The following ACSBG1 variants were observed in gnomAD, a reference collection of about 807,000 sequenced individuals.
ACSBG1 encodes acyl-CoA synthetase bubblegum family member 1.
Under a neutral mutation model 80.2 loss-of-function variants are expected in ACSBG1, and 39 were observed. That is an observed-to-expected ratio of 0.49 (90% CI 0.38 to 0.64). The LOEUF (loss-of-function observed/expected upper bound fraction) is 0.64, where lower values mean the gene tolerates loss of function less well. Ranked by LOEUF, ACSBG1 falls within the 30% of genes least tolerant of loss-of-function variation. The pLI, the probability that ACSBG1 is intolerant of heterozygous loss-of-function variation, is 0.00. For missense variants in ACSBG1, 828 were observed against 966.4 expected (o/e 0.86, Z 1.90); for synonymous variants, 392 against 379.5 (o/e 1.03, Z -0.38).
At chr15:78,176,713 T>G (rs2074886334) in intron 11 of ACSBG1, among the ~76,000 whole-genome samples, 1 of 152,062 alleles carries the variant, frequency 6.6e-6, no homozygotes, top group Non-Finnish European at 1.5e-5. Flanking sequence ...TGGCTTGAGC[T>G]CAGGAGCTCA....
intron 5 of ACSBG1, 100 bp from the exon 6 acceptor site, chr15:78,182,885 T>G: frequency 7.6e-7 from 1 of 1,313,254 alleles, no homozygotes; most frequent in Non-Finnish European, 1.1e-6. Flanking sequence ...TAAAGGTCTC[T>G]GGGTGCCCCG....
intron 1 of ACSBG1, chr15:78,212,671 A>G (rs2075276900): frequency 4.4e-5 from 20 of 450,144 alleles, no homozygotes; most frequent in South Asian, 3.1e-4. Context: ...CATGTCACGG[A>G]GTCCCCCCGG....
At chr15:78,207,917 T>TCCCCCCCCCCCCCCCCCCCCCCCCCACAC in intron 2 of ACSBG1, 85 bp downstream of exon 2, 2 of 876,066 alleles carry the variant, frequency 2.3e-6, no homozygotes, top group Non-Finnish European at 3.7e-6. Flanking sequence ...TGTGTGGTGG[T>TCCCCCCCCCCCCCCCCCCCCCCCCCACAC]CCCCCACACC....
Position 78,230,752 on chromosome 15 carries a change from G to A in ACSBG1, c.131+3619C>T, listed in dbSNP as rs573369712. 2.0e-5 allele frequency among the ~76,000 whole-genome samples: 3 copies of A among 152,328 alleles called. No homozygotes were observed. In the East Asian group the frequency reaches 5.8e-4, roughly 29 times the overall value. Reference sequence around the variant, plus strand: ...CGTCTTGTCTGCTGCCATGTGAGATGTGCCTTTCGTCTTCTGCCATGATTG... The same window carrying A: ...CGTCTTGTCTGCTGCCATGTGAGATATGCCTTTCGTCTTCTGCCATGATTG... On this transcript the variant is annotated intron_variant, in intron 1 of 13. Coordinates refer to ENST00000258873, the MANE Select transcript of ACSBG1 (RefSeq NM_015162.5).
intron 2 of ACSBG1, 85 bp downstream of exon 2, chr15:78,207,917 T>TCCCCCCCCCCC: frequency 2.3e-6 from 2 of 876,060 alleles, no homozygotes; most frequent in Non-Finnish European, 3.7e-6. Context: ...TGTGTGGTGG[T>TCCCCCCCCCCC]CCCCCACACC....
rs187025261 is a variant in ACSBG1 at position 78,229,164 on chromosome 15, G to A, written c.131+5207C>T. Among the ~76,000 whole-genome samples the A allele has an allele frequency of 2.8e-3, 425 of 151,904 alleles. 2 individuals are homozygous for A. The highest frequency in any genetic ancestry group is 3.7e-3 in the Non-Finnish European group (253 of 67,986). On this transcript the variant is annotated intron_variant, in intron 1 of 13. Transcript: ENST00000258873. ...TAATGTCTGTCTCCCCTGCAAGCATGCAAACTCCTTAAGGTAGAGACTTGT... is the reference window on the plus strand; with the variant it reads ...TAATGTCTGTCTCCCCTGCAAGCATACAAACTCCTTAAGGTAGAGACTTGT...
Position 78,170,188 on chromosome 15 carries a change from T to G in ACSBG1, c.*1256A>C, listed in dbSNP as rs1567075293. The G allele has an allele frequency of 6.6e-6, 1 of 152,048 alleles. No individual in the cohort carries two copies. The highest frequency in any genetic ancestry group is 1.5e-5 in the Non-Finnish European group (1 of 68,020). 9.4% of individuals were successfully genotyped at this position (152,048 alleles called of 1,614,324 possible). Reference sequence around the variant, plus strand: ...AGGCATCTCCTTTCCCTTCCTGTCTTCCTCTCCCTTCTCCTCTGCTGCAGC... The same window carrying G: ...AGGCATCTCCTTTCCCTTCCTGTCTGCCTCTCCCTTCTCCTCTGCTGCAGC... On this transcript the variant is annotated 3_prime_UTR_variant, in exon 14 of 14. Coordinates refer to ENST00000258873, the MANE Select transcript of ACSBG1 (RefSeq NM_015162.5).
At chr15:78,212,360 G>A (rs937237420) in intron 1 of ACSBG1, among the ~76,000 whole-genome samples, 3 of 152,126 alleles carry the variant, frequency 2.0e-5, no homozygotes, top group Admixed American at 6.5e-5. Context: ...TCATTATTAC[G>A]CATGAGCTCT....
chr15:78,219,276 T>G (rs2075339905), intron 1 of ACSBG1, among the ~76,000 whole-genome samples: 2 of 151,948 alleles, frequency 1.3e-5, no homozygotes, highest in Non-Finnish European at 2.9e-5. Context: ...TGCATGGTGG[T>G]GCACACCTGT....
chr15:78,182,274 C>G, intron 7 of ACSBG1, 129 bp from the exon 8 acceptor site: 1 of 1,361,844 alleles, frequency 7.3e-7, no homozygotes, highest in Non-Finnish European at 9.8e-7. Context: ...CTCTGAAAAC[C>G]CCAGGACAGG....
At chr15:78,199,102 T>C (rs2075142754) in intron 2 of ACSBG1, among the ~76,000 whole-genome samples, 1 of 152,084 alleles carries the variant, frequency 6.6e-6, no homozygotes, top group East Asian at 1.9e-4. Context: ...TTCTTTTCTT[T>C]TCTTTTCTTT....
chr15:78,227,263 TG>T (rs1264678490), intron 1 of ACSBG1, among the ~76,000 whole-genome samples: 1 of 119,838 alleles, frequency 8.3e-6, no homozygotes, highest in Non-Finnish European at 1.8e-5. Context: ...ATTAATAAAA[TG>T]AAGATAAGCC....
chr15:78,179,443 C>T (rs1257877980), intron 10 of ACSBG1, 107 bp downstream of exon 10: 3 of 1,068,428 alleles, frequency 2.8e-6, no homozygotes, highest in Non-Finnish European at 4.1e-6. Flanking sequence ...CTCTGGGACC[C>T]AACTGGCATG....
intron 1 of ACSBG1, among the ~76,000 whole-genome samples, chr15:78,216,263 A>T (rs2075311338): frequency 6.6e-6 from 1 of 152,166 alleles, no homozygotes; most frequent in African/African-American, 2.4e-5. Context: ...ACAAAAATGG[A>T]CACAGTCCCT....
At chr15:78,197,080 CAAATT>C (rs912793940) in intron 2 of ACSBG1, among the ~76,000 whole-genome samples, 3 of 151,022 alleles carry the variant, frequency 2.0e-5, no homozygotes, top group African/African-American at 7.3e-5. Context: ...AAAATTAAAT[CAAATT>C]AAATAATAAA....
At chr15:78,231,773 G>A (rs977106642) in intron 1 of ACSBG1, among the ~76,000 whole-genome samples, 1 of 152,048 alleles carries the variant, frequency 6.6e-6, no homozygotes, top group African/African-American at 2.4e-5. Context: ...ATTTTTAGCA[G>A]AGACAAGGTC....
At chr15:78,224,752 C>T (rs1285753803) in intron 1 of ACSBG1, among the ~76,000 whole-genome samples, 1 of 152,066 alleles carries the variant, frequency 6.6e-6, no homozygotes, top group Non-Finnish European at 1.5e-5. Flanking sequence ...AGGCTAAAGA[C>T]ACTTGTCCCT....
At position 78,193,717 on chromosome 15, in the gene ACSBG1, A is replaced by G; in HGVS notation, c.543-91T>C. 2.8e-6 allele frequency: 4 copies of G among 1,448,334 alleles called. No individual in the cohort carries two copies. In the Admixed American group the frequency reaches 6.9e-5, roughly 25 times the overall value. The allele number at this position is 1,448,334 out of a possible 1,614,324, so 89.7% of individuals were successfully genotyped here. A position where few individuals can be genotyped will look rare whatever the true frequency, so the allele number is the denominator to read the frequency against. ...CCACATCTGTAGCCCCCAGACCCAG[A>G]GAGCTCCCATAGCCTGGCAGGAGGG... On this transcript the variant is annotated intron_variant, in intron 4 of 13. Transcript: ENST00000258873.
chr15:78,182,563 G>T lies in ACSBG1; in HGVS notation c.797C>A (p.Ala266Asp). 6.2e-7 allele frequency: 1 copy of T among 1,614,094 alleles called. No homozygotes were observed. Among genetic ancestry groups the T allele is most frequent in the Non-Finnish European group, 8.5e-7 (1 of 1,179,994 alleles). ...GNEVPEEALD[A>D]IIDTQQPNQC... ...GTTGGGCTGCTGGGTGTCAATGATG[G>T]CGTCCAGGGCTTCCTCAGGCACTTC... The change falls in exon 7 of 14, where the codon GCC becomes GAC. Residue 266 changes from alanine to aspartate, a missense_variant. Physicochemically the swap from Ala to Asp is moderately radical, Grantham distance 126 (BLOSUM62 -2). Around this residue, in one of 3 missense-constraint regions of ACSBG1, gnomAD observed 356 missense variants for 363.5 expected, o/e 0.98. Transcript: ENST00000258873.
Sources: allele counts gnomAD v4.1 joint callset (sites outside exome capture counted in the v4.1 genomes callset), GRCh38; gene constraint gnomAD v4.1.1; regional missense constraint gnomAD v4.1.1; transcripts MANE v1.5; gene names NCBI Gene and HGNC (gene_info 2026-07-23, HGNC 2026-07-21).